The following TWIST2 variants were observed in gnomAD, a reference collection of about 807,000 sequenced individuals.
The protein encoded by TWIST2 is twist-related protein 2.
In TWIST2, 1 loss-of-function variant was observed where a neutral mutation model predicts 11.6. The observed-to-expected ratio is 0.09, with a 90% CI of 0.03 to 0.41. The LOEUF (loss-of-function observed/expected upper bound fraction) is 0.41. TWIST2 is among the 10% of genes least tolerant of loss of function. The pLI is 0.98. For synonymous variants in TWIST2, 87 were observed against 96.6 expected (o/e 0.90, Z 0.58); for missense variants, 168 against 226.4 (o/e 0.74, Z 1.66).
chr2:238,873,380 G>A (rs144124204), intron 1 of TWIST2, among the ~76,000 whole-genome samples: 40,642 of 151,972 alleles, frequency 0.27, 6,612 homozygotes, highest in Non-Finnish European at 0.37. Flanking sequence ...GGAAGCAAGA[G>A]GATGGGGAAG....
At chr2:238,880,059 GTTAGTA>G (rs1692880147) in intron 1 of TWIST2, among the ~76,000 whole-genome samples, 1 of 152,204 alleles carries the variant, frequency 6.6e-6, no homozygotes, top group Non-Finnish European at 1.5e-5. Flanking sequence ...GAGTGTTAGT[GTTAGTA>G]TTAGTGTTGG....
intron 1 of TWIST2, among the ~76,000 whole-genome samples, chr2:238,855,713 G>A (rs1692317864): frequency 6.6e-6 from 1 of 152,142 alleles, no homozygotes; most frequent in Non-Finnish European, 1.5e-5. Context: ...AAGTAATAGA[G>A]GAAGAACGAG....
chr2:238,872,093 T>C (rs977526793), intron 1 of TWIST2, among the ~76,000 whole-genome samples: 3 of 152,214 alleles, frequency 2.0e-5, no homozygotes, highest in African/African-American at 7.2e-5. Flanking sequence ...GGGATGTTTC[T>C]GCCATATTAA....
At chr2:238,879,591 G>A (rs533723436) in intron 1 of TWIST2, among the ~76,000 whole-genome samples, 2 of 152,158 alleles carry the variant, frequency 1.3e-5, no homozygotes, top group Non-Finnish European at 2.9e-5. Flanking sequence ...TGCCCAGCTA[G>A]GAAGGCATGC....
intron 1 of TWIST2, among the ~76,000 whole-genome samples, chr2:238,891,107 A>C (rs34563639): frequency 0.33 from 49,932 of 152,142 alleles, 8,706 homozygotes; most frequent in South Asian, 0.4. Flanking sequence ...TTTGTGGATC[A>C]TGACATTCGC....
intron 1 of TWIST2, among the ~76,000 whole-genome samples, chr2:238,902,057 C>T (rs1410611995): frequency 4.6e-5 from 7 of 152,142 alleles, no homozygotes; most frequent in South Asian, 4.1e-4. Context: ...CCTGGACATC[C>T]GCTCCATGCT....
intron 1 of TWIST2, among the ~76,000 whole-genome samples, chr2:238,869,036 C>T (rs543090679): frequency 3.9e-5 from 6 of 152,290 alleles, no homozygotes; most frequent in South Asian, 2.1e-4. Context: ...GGTAGGTGCG[C>T]GGGCAGCAAA....
chr2:238,902,679 TGTGTGTGATATGGG>T (rs1693285760), intron 1 of TWIST2, among the ~76,000 whole-genome samples: 2 of 142,320 alleles, frequency 1.4e-5, no homozygotes, highest in African/African-American at 2.7e-5. Flanking sequence ...TGATGTGGGG[TGTGTGTGATATGGG>T]GTGTGATGTG....
At chr2:238,905,896 C>T (rs1263165946) in intron 1 of TWIST2, among the ~76,000 whole-genome samples, 47 of 139,410 alleles carry the variant, frequency 3.4e-4, no homozygotes, top group Non-Finnish European at 5.5e-4. Context: ...CGCGCATGCG[C>T]GTGTGTGCGT....
chr2:238,878,516 C>A (rs1377654261), intron 1 of TWIST2, among the ~76,000 whole-genome samples: 4 of 152,168 alleles, frequency 2.6e-5, no homozygotes, highest in Non-Finnish European at 2.9e-5. Context: ...CATCCCAGGT[C>A]CTGGTGATTG....
Position 238,876,952 on chromosome 2 carries a change from T to G in TWIST2, c.*35+28219T>G, listed in dbSNP as rs146625493. Reference sequence around the variant, plus strand: ...ATCTCAATAAGCTATCATAAAGAGATTCTTCCTTACCTTCAGCGGATCACC... The same window carrying G: ...ATCTCAATAAGCTATCATAAAGAGAGTCTTCCTTACCTTCAGCGGATCACC... On this transcript the variant is annotated intron_variant, in intron 1 of 1. Transcript: ENST00000612363. 1.9e-3 allele frequency among the ~76,000 whole-genome samples: 295 copies of G among 152,324 alleles called. 1 individual carries two copies. The highest frequency in any genetic ancestry group is 6.7e-3 in the African/African-American group (279 of 41,564).
At chr2:238,885,315 T>G (rs1050633660) in intron 1 of TWIST2, among the ~76,000 whole-genome samples, 1 of 152,242 alleles carries the variant, frequency 6.6e-6, no homozygotes, top group Non-Finnish European at 1.5e-5. Context: ...AAAGCCGTCA[T>G]GCTGCCCGAC....
In TWIST2 at chr2:238,848,461, C is replaced by T; in HGVS notation, c.246C>T (p.Leu82=). ...GCGAGCGCCAGCGCACCCAGTCGCT[C>T]AACGAGGCCTTCGCGGCGCTGCGCA... is the stretch of plus-strand genomic sequence containing the variant. ...NVRERQRTQS[L]NEAFAALRKI... The change falls in exon 1 of 2, where the codon CTC becomes CTT. Residue 82 remains leucine, a synonymous_variant. Transcript: ENST00000612363. 3 of 1,562,528 alleles carry T rather than the reference C, an allele frequency of 1.9e-6. No individual in the cohort carries two copies. The highest frequency in any genetic ancestry group is 2.6e-6 in the Non-Finnish European group (3 of 1,157,044).
intron 1 of TWIST2, among the ~76,000 whole-genome samples, chr2:238,893,645 C>A (rs1435494316): frequency 1.1e-4 from 16 of 152,310 alleles, no homozygotes; most frequent in African/African-American, 3.8e-4. Flanking sequence ...ACGGGCGCAC[C>A]GATTGCGTGA....
rs1693425938 is a variant in TWIST2, at chr2:238,909,987, C to T, written c.*181C>T. On this transcript the variant is annotated 3_prime_UTR_variant, in exon 2 of 2. Coordinates refer to ENST00000612363, the MANE Select transcript of TWIST2 (RefSeq NM_001271893.4). ...CAGCAGTGACATCGGACAGAAGACC[C>T]GGGCTCCCGTCCTCCCCCAGGACGG... The T allele has an allele frequency of 6.6e-6, 1 of 152,130 alleles. No homozygotes were observed. The highest frequency in any genetic ancestry group is 2.4e-5 in the African/African-American group (1 of 41,410). The allele number at this position is 152,130 out of a possible 1,614,324, so 9.4% of individuals were successfully genotyped here. A position where few individuals can be genotyped will look rare whatever the true frequency, so the allele number is the denominator to read the frequency against.
Position 238,866,620 on chromosome 2 carries a change from G to C in TWIST2, c.*35+17887G>C, listed in dbSNP as rs977980645. 6.6e-6 allele frequency among the ~76,000 whole-genome samples: 1 copy of C among 152,060 alleles called. No individual in the cohort carries two copies. ...TGCAGTGAGCTGAGATCGCGCCACT[G>C]TACTCCAGCCTGGGTGACAGAGCGA... On this transcript the variant is annotated intron_variant, in intron 1 of 1. Coordinates refer to ENST00000612363, the MANE Select transcript of TWIST2 (RefSeq NM_001271893.4). This position sits in a 1 kb window ranked among gnomAD's most constrained non-coding sequence, Gnocchi z 4.9.
intron 1 of TWIST2, among the ~76,000 whole-genome samples, chr2:238,908,020 CCACA>C (rs1291925972): frequency 1.3e-5 from 2 of 149,244 alleles, no homozygotes; most frequent in Non-Finnish European, 3.0e-5. Flanking sequence ...CAAACACATA[CCACA>C]CAAACACACC....
chr2:238,849,298 A>C (rs1692196278), intron 1 of TWIST2, among the ~76,000 whole-genome samples: 1 of 152,148 alleles, frequency 6.6e-6, no homozygotes, highest in South Asian at 2.1e-4. Context: ...TGGCCTGCCC[A>C]GTGGGCGTAG....
intron 1 of TWIST2, among the ~76,000 whole-genome samples, chr2:238,907,130 T>TGGGTGTGTGGCAGAAGCGGCCC (rs1693366794): frequency 6.6e-6 from 1 of 152,160 alleles, no homozygotes; most frequent in Non-Finnish European, 1.5e-5. Context: ...CAGGCTGGCC[T>TGGGTGTGTGGCAGAAGCGGCCC]GGGTGTGTGG....
Sources: gnomAD v4.1 joint callset for allele counts (sites outside exome capture counted in the v4.1 genomes callset) on GRCh38, gnomAD v4.1.1 for gene constraint, Gnocchi (gnomAD v3.1) non-coding constraint, MANE v1.5 for transcripts, NCBI Gene and HGNC (gene_info 2026-07-23, HGNC 2026-07-21) for gene names.